The following VSNL1 variants were observed in gnomAD, a reference collection of about 807,000 sequenced individuals.
The protein encoded by VSNL1 is visinin-like protein 1.
Under a neutral mutation model 20.4 loss-of-function variants are expected in VSNL1, and 6 were observed. The observed-to-expected ratio is 0.29, with a 90% CI of 0.16 to 0.58. The LOEUF (loss-of-function observed/expected upper bound fraction) is 0.58, where lower values mean the gene tolerates loss of function less well. Among genes scored for constraint, VSNL1 ranks in the 20% least tolerant of loss-of-function variants. The pLI is 0.90. For missense variants in VSNL1, 100 were observed against 234.5 expected, an observed-to-expected ratio of 0.43 and a Z score of 3.75; for synonymous variants, 93 against 86.4, an observed-to-expected ratio of 1.08 and a Z score of -0.42.
chr2:17,564,016 CT>C (rs1405855377), intron 1 of VSNL1, among the ~76,000 whole-genome samples: 1 of 152,114 alleles, frequency 6.6e-6, no homozygotes, highest in East Asian at 1.9e-4. Context: ...CTTTCTTTGT[CT>C]CTTTCCTTGT....
chr2:17,558,925 G>A (rs1221242060), intron 1 of VSNL1, among the ~76,000 whole-genome samples: 1 of 152,106 alleles, frequency 6.6e-6, no homozygotes, highest in Non-Finnish European at 1.5e-5. Context: ...GCTTAAATAA[G>A]AGAGAAATTT....
chr2:17,576,332 G>A (rs544184598), intron 1 of VSNL1, among the ~76,000 whole-genome samples: 123 of 152,286 alleles, frequency 8.1e-4, no homozygotes, highest in African/African-American at 2.8e-3. Context: ...TGGTTATAGT[G>A]CTAGAGTTTC....
At chr2:17,563,323 G>C (rs1663861593) in intron 1 of VSNL1, among the ~76,000 whole-genome samples, 1 of 152,206 alleles carries the variant, frequency 6.6e-6, no homozygotes, top group African/African-American at 2.4e-5. Flanking sequence ...TTATCCAGCA[G>C]ATTCAGGCCT....
chr2:17,609,993 C>T (rs557044925), intron 2 of VSNL1, among the ~76,000 whole-genome samples: 4 of 152,334 alleles, frequency 2.6e-5, no homozygotes, highest in Non-Finnish European at 5.9e-5. Flanking sequence ...TTGTTTCTTG[C>T]TGTGTGTCAG....
intron 2 of VSNL1, among the ~76,000 whole-genome samples, chr2:17,637,479 G>A (rs1349817917): frequency 6.6e-6 from 1 of 152,024 alleles, no homozygotes; most frequent in Non-Finnish European, 1.5e-5. Flanking sequence ...CCTCCTGTAC[G>A]CTGCCCCCAC....
intron 2 of VSNL1, among the ~76,000 whole-genome samples, chr2:17,637,133 C>A (rs1386067640): frequency 6.6e-6 from 1 of 152,174 alleles, no homozygotes; most frequent in Non-Finnish European, 1.5e-5. Context: ...CCTTCCCCTT[C>A]CCACAGGGAA....
chr2:17,631,610 A>T (rs1187883312), intron 2 of VSNL1, among the ~76,000 whole-genome samples: 1 of 152,252 alleles, frequency 6.6e-6, no homozygotes, highest in Non-Finnish European at 1.5e-5. Context: ...AAAACACTTT[A>T]AGGTATTAAT....
chr2:17,646,209 CAGTT>C (rs1665992715), intron 2 of VSNL1, among the ~76,000 whole-genome samples: 1 of 152,168 alleles, frequency 6.6e-6, no homozygotes, highest in Admixed American at 6.5e-5. Flanking sequence ...GAAAATAACT[CAGTT>C]AGAATCTCAG....
intron 2 of VSNL1, among the ~76,000 whole-genome samples, chr2:17,641,093 A>G (rs1296581511): frequency 6.6e-6 from 1 of 152,242 alleles, no homozygotes; most frequent in Non-Finnish European, 1.5e-5. Flanking sequence ...ATTGAGATGC[A>G]GCCAGGCTCA....
intron 1 of VSNL1, among the ~76,000 whole-genome samples, chr2:17,565,284 G>A (rs557942527): frequency 1.8e-4 from 27 of 151,980 alleles, no homozygotes; most frequent in Middle Eastern, 3.6e-3. Flanking sequence ...AGAAAAATTC[G>A]GAGAATTATA....
rs538380803 is a variant in VSNL1 at position 17,584,278 on chromosome 2, A to G, written c.-5-7792A>G. On this transcript the variant is annotated intron_variant, in intron 1 of 3. Coordinates refer to ENST00000295156, the MANE Select transcript of VSNL1 (RefSeq NM_003385.5). ...GATACAAGGGAAACTGAGTCTGAGT[A>G]GAAACTTTTCCAAAGTCATAGAATA... is the stretch of plus-strand genomic sequence containing the variant. 1.0e-3 allele frequency among the ~76,000 whole-genome samples: 152 copies of G among 152,304 alleles called. 1 individual carries two copies. The highest frequency in any genetic ancestry group is 3.4e-3 in the African/African-American group (143 of 41,566).
At chr2:17,644,077 G>T (rs1247941943) in intron 2 of VSNL1, among the ~76,000 whole-genome samples, 1 of 152,240 alleles carries the variant, frequency 6.6e-6, no homozygotes, top group African/African-American at 2.4e-5. Flanking sequence ...TGGAGCTGTG[G>T]TGACGATGGA....
intron 1 of VSNL1, among the ~76,000 whole-genome samples, chr2:17,550,107 T>C (rs1663496230): frequency 6.6e-6 from 1 of 152,216 alleles, no homozygotes; most frequent in African/African-American, 2.4e-5. Context: ...CATAATAGCA[T>C]GTGACAATAA....
chr2:17,614,490 T>C (rs1016164984), intron 2 of VSNL1, among the ~76,000 whole-genome samples: 6 of 152,206 alleles, frequency 3.9e-5, no homozygotes, highest in African/African-American at 1.4e-4. Context: ...AGCCAGCCCA[T>C]TGGGCTCCAC....
At chr2:17,644,477 G>T (rs1000137016) in intron 2 of VSNL1, among the ~76,000 whole-genome samples, 1 of 152,206 alleles carries the variant, frequency 6.6e-6, no homozygotes, top group Non-Finnish European at 1.5e-5. Flanking sequence ...ATACAGTGTA[G>T]CCAAGGAAGG....
chr2:17,592,481 A>G lies in VSNL1; in HGVS notation c.162+245A>G, dbSNP rs536623980. On this transcript the variant is annotated intron_variant, in intron 2 of 3. Coordinates refer to ENST00000295156, the MANE Select transcript of VSNL1 (RefSeq NM_003385.5). ...AGCACTGAATAGAGCTCAAGGAATG[A>G]CAGCATCTGGTGAAAGAACCATAAA... 1.7e-3 allele frequency among the ~76,000 whole-genome samples: 265 copies of G among 152,282 alleles called. 2 individuals are homozygous for G. The highest frequency in any genetic ancestry group is 3.3e-3 in the South Asian group (16 of 4,826).
At chr2:17,632,247 A>C (rs1040920453) in intron 2 of VSNL1, among the ~76,000 whole-genome samples, 2 of 152,064 alleles carry the variant, frequency 1.3e-5, no homozygotes, top group African/African-American at 4.8e-5. Flanking sequence ...TACACATTGA[A>C]TCAATGAACT....
intron 1 of VSNL1, among the ~76,000 whole-genome samples, chr2:17,584,219 G>C (rs916409904): frequency 6.7e-6 from 1 of 150,336 alleles, no homozygotes; most frequent in African/African-American, 2.4e-5. Flanking sequence ...AGAGACATCA[G>C]AACCTGACAA....
chr2:17,627,263 G>T (rs1295178245), intron 2 of VSNL1, among the ~76,000 whole-genome samples: 3 of 152,192 alleles, frequency 2.0e-5, no homozygotes, highest in Admixed American at 2.0e-4. Context: ...TCCTTTCAAT[G>T]AAGCACCTAT....
Sources: gnomAD v4.1 joint callset for allele counts (sites outside exome capture counted in the v4.1 genomes callset) on GRCh38, gnomAD v4.1.1 for gene constraint, MANE v1.5 for transcripts, NCBI Gene and HGNC (gene_info 2026-07-23, HGNC 2026-07-21) for gene names.